The following GPC6 variants were observed in gnomAD, a reference collection of about 807,000 sequenced individuals.
GPC6 encodes glypican 6.
In GPC6, 14 loss-of-function variants were observed where a neutral mutation model predicts 55.2. That is an observed-to-expected ratio of 0.25 (90% confidence interval 0.17 to 0.40). The LOEUF is 0.40. GPC6 is among the 10% of genes least tolerant of loss of function. GPC6 has a pLI of 1.00. For synonymous variants in GPC6, 278 were observed against 259.6 expected, an observed-to-expected ratio of 1.07 and a Z score of -0.68; for missense variants, 641 against 708.5, an observed-to-expected ratio of 0.90 and a Z score of 1.08.
intron 1 of GPC6, among the ~76,000 whole-genome samples, chr13:93,323,135 G>T (rs1280058928): frequency 6.6e-6 from 1 of 151,990 alleles, no homozygotes. Context: ...CCATTGGTAG[G>T]CATATTTTTA....
At chr13:93,260,795 A>C (rs749306206) in intron 1 of GPC6, among the ~76,000 whole-genome samples, 2 of 152,118 alleles carry the variant, frequency 1.3e-5, no homozygotes, top group African/African-American at 2.4e-5. Context: ...CATACCAGGA[A>C]TGTGCTTAGC....
chr13:94,342,007 T>A (rs1878065614), intron 6 of GPC6, among the ~76,000 whole-genome samples: 1 of 152,238 alleles, frequency 6.6e-6, no homozygotes, highest in Non-Finnish European at 1.5e-5. Context: ...AAAGTAGGGT[T>A]CCCATATCAC....
intron 3 of GPC6, among the ~76,000 whole-genome samples, chr13:93,891,326 A>C (rs532086776): frequency 3.2e-4 from 49 of 152,290 alleles, no homozygotes; most frequent in Admixed American, 2.0e-3. Context: ...TTTCAAACGT[A>C]GGTGAGGTTG....
At chr13:93,520,122 A>G (rs1240689650) in intron 1 of GPC6, among the ~76,000 whole-genome samples, 1 of 151,926 alleles carries the variant, frequency 6.6e-6, no homozygotes, top group Non-Finnish European at 1.5e-5. Context: ...TCTAGTTTTC[A>G]TTTTCAAGAA....
At chr13:93,316,031 A>G (rs189591717) in intron 1 of GPC6, among the ~76,000 whole-genome samples, 210 of 152,184 alleles carry the variant, frequency 1.4e-3, no homozygotes, top group African/African-American at 4.8e-3. Context: ...TCTCCTGTAT[A>G]TACTTGAGGC....
intron 2 of GPC6, among the ~76,000 whole-genome samples, chr13:93,788,449 C>T (rs952419552): frequency 5.3e-5 from 8 of 151,644 alleles, no homozygotes; most frequent in Non-Finnish European, 8.8e-5. Flanking sequence ...CAAACCACAG[C>T]ATACCACAAG....
chr13:94,039,185 T>C (rs1225398326), intron 4 of GPC6, among the ~76,000 whole-genome samples: 1 of 151,980 alleles, frequency 6.6e-6, no homozygotes, highest in Non-Finnish European at 1.5e-5. Context: ...TTGGGCAGAA[T>C]TGGACAGTGG....
At chr13:94,155,855 G>T (rs1887914872) in intron 4 of GPC6, among the ~76,000 whole-genome samples, 2 of 152,146 alleles carry the variant, frequency 1.3e-5, no homozygotes, top group Non-Finnish European at 2.9e-5. Context: ...TATTGTGAGT[G>T]CATGTTGCCT....
intron 1 of GPC6, among the ~76,000 whole-genome samples, chr13:93,458,203 G>T (rs776378277): frequency 1.4e-4 from 22 of 152,106 alleles, no homozygotes; most frequent in Non-Finnish European, 3.1e-4. Flanking sequence ...CACACATACT[G>T]CTCAGGAGAG....
intron 4 of GPC6, among the ~76,000 whole-genome samples, chr13:94,074,264 A>C (rs1884833758): frequency 6.6e-6 from 1 of 152,354 alleles, no homozygotes; most frequent in Non-Finnish European, 1.5e-5. Context: ...ACTTTTCAAA[A>C]TAGGGGCAAA....
At chr13:93,683,774 T>A (rs926942223) in intron 2 of GPC6, among the ~76,000 whole-genome samples, 1 of 152,180 alleles carries the variant, frequency 6.6e-6, no homozygotes, top group Admixed American at 6.6e-5. Context: ...AGATTATTTG[T>A]TTTTAGTCCT....
At chr13:93,343,052 C>T (rs1229643531) in intron 1 of GPC6, among the ~76,000 whole-genome samples, 2 of 152,092 alleles carry the variant, frequency 1.3e-5, no homozygotes, top group Non-Finnish European at 1.5e-5. Flanking sequence ...CTTATCTTTA[C>T]TCAATGCACT....
intron 4 of GPC6, among the ~76,000 whole-genome samples, chr13:94,084,946 T>C (rs1397209761): frequency 6.6e-6 from 1 of 151,934 alleles, no homozygotes; most frequent in Non-Finnish European, 1.5e-5. Context: ...AGTGAGAGTT[T>C]ATGTCAAAAG....
chr13:93,850,286 C>A (rs929638172), intron 3 of GPC6, among the ~76,000 whole-genome samples: 2 of 151,860 alleles, frequency 1.3e-5, no homozygotes, highest in African/African-American at 4.8e-5. Context: ...TAACACCTAG[C>A]CCAGCCTTAG....
intron 4 of GPC6, among the ~76,000 whole-genome samples, chr13:94,070,029 G>T (rs560237893): frequency 6.6e-6 from 1 of 152,192 alleles, no homozygotes; most frequent in Non-Finnish European, 1.5e-5. Flanking sequence ...TTGTTTTCAG[G>T]CTGCTAGTGA....
intron 6 of GPC6, among the ~76,000 whole-genome samples, chr13:94,326,377 G>C (rs1000834823): frequency 6.6e-6 from 1 of 152,076 alleles, no homozygotes; most frequent in African/African-American, 2.4e-5. Context: ...CAGAAGTGCA[G>C]AGATAAGGAG....
intron 2 of GPC6, among the ~76,000 whole-genome samples, chr13:93,693,161 G>A (rs192256371): frequency 6.8e-4 from 104 of 152,076 alleles, no homozygotes; most frequent in Admixed American, 3.4e-3. Context: ...TAGTGACTAG[G>A]GTGATACACT....
chr13:94,006,903 A>T (rs1481173539), intron 3 of GPC6, among the ~76,000 whole-genome samples: 2 of 152,076 alleles, frequency 1.3e-5, no homozygotes, highest in Non-Finnish European at 2.9e-5. Flanking sequence ...AGTTGGACTT[A>T]TTTACTCTTT....
At chr13:93,362,679 T>TA (rs200589508) in intron 1 of GPC6, among the ~76,000 whole-genome samples, 9 of 132,534 alleles carry the variant, frequency 6.8e-5, no homozygotes, top group Admixed American at 1.5e-4. Context: ...TTACTGATAA[T>TA]AAAAAAAAAA....
Sources: gnomAD v4.1 joint callset for allele counts (sites outside exome capture counted in the v4.1 genomes callset) on GRCh38, gnomAD v4.1.1 for gene constraint, MANE v1.5 for transcripts, NCBI Gene and HGNC (gene_info 2026-07-23, HGNC 2026-07-21) for gene names.